The following RMDN2 variants were observed in gnomAD, a reference collection of about 807,000 sequenced individuals.
RMDN2 encodes the protein regulator of microtubule dynamics 2.
In RMDN2, 61 loss-of-function variants were observed where a neutral mutation model predicts 52.8. The ratio of observed to expected loss-of-function variants is 1.16; its 90% CI spans 0.94 to 1.43. The LOEUF (loss-of-function observed/expected upper bound fraction) is 1.43. Ranked by LOEUF, RMDN2 falls within the 40% of genes most tolerant of loss-of-function variation. RMDN2 has a pLI of 0.00. For missense variants in RMDN2, 592 were observed against 475.3 expected (o/e 1.25, Z -2.28); for synonymous variants, 180 against 153.1 (o/e 1.18, Z -1.30).
intron 4 of RMDN2, 73 bp from the exon 5 acceptor site, chr2:37,981,210 A>G: frequency 3.2e-6 from 3 of 924,354 alleles, no homozygotes; most frequent in Non-Finnish European, 3.6e-6. Context: ...TTTGTGAACC[A>G]TGAGTTAATT....
intron 4 of RMDN2, among the ~76,000 whole-genome samples, chr2:37,978,606 G>C (rs2125089353): frequency 6.6e-6 from 1 of 152,198 alleles, no homozygotes; most frequent in South Asian, 2.1e-4. Flanking sequence ...CGGGCAGATA[G>C]CTTGAGCTCA....
At chr2:37,940,967 A>T (rs1436500752) in intron 2 of RMDN2, among the ~76,000 whole-genome samples, 1 of 152,022 alleles carries the variant, frequency 6.6e-6, no homozygotes, top group African/African-American at 2.4e-5. Flanking sequence ...GGATGAGAAG[A>T]GTCATTCTGG....
At chr2:37,985,185 A>G (rs1284969763) in intron 5 of RMDN2, among the ~76,000 whole-genome samples, 1 of 152,166 alleles carries the variant, frequency 6.6e-6, no homozygotes, top group East Asian at 1.9e-4. Flanking sequence ...ATAAAAGCCT[A>G]GAGATATCCA....
intron 10 of RMDN2, among the ~76,000 whole-genome samples, chr2:38,005,963 G>A (rs537999449): frequency 8.3e-4 from 126 of 152,178 alleles, no homozygotes; most frequent in East Asian, 1.7e-3. Context: ...GTAGGGGATC[G>A]TTTCCCCATT....
At chr2:38,059,110 C>T (rs978238342) in intron 10 of RMDN2, among the ~76,000 whole-genome samples, 18 of 152,280 alleles carry the variant, frequency 1.2e-4, no homozygotes, top group African/African-American at 3.6e-4. Flanking sequence ...ATGATGGAAG[C>T]GTTTTATATC....
chr2:37,988,212 G>A (rs1403017459), intron 5 of RMDN2, among the ~76,000 whole-genome samples: 1 of 152,146 alleles, frequency 6.6e-6, no homozygotes, highest in Non-Finnish European at 1.5e-5. Flanking sequence ...ATAGGCCTGA[G>A]GCAACAATAA....
rs1572723294 is a variant in RMDN2, at chr2:37,942,844, C to T, written c.452+13115C>T. 2.0e-5 allele frequency among the ~76,000 whole-genome samples: 3 copies of T among 152,280 alleles called. 1 individual carries two copies. The highest frequency in any genetic ancestry group is 2.0e-4 in the Admixed American group (3 of 15,302). On this transcript the variant is annotated intron_variant, in intron 2 of 10. Coordinates refer to ENST00000354545, the MANE Select transcript of RMDN2 (RefSeq NM_001170791.3). ...TCTAGCAGGGAACAAAGCAAAGTCT[C>T]ACAAGTAAAACAGATTTTTTAAAAG...
intron 10 of RMDN2, among the ~76,000 whole-genome samples, chr2:38,050,411 C>T (rs930183320): frequency 1.4e-4 from 21 of 152,076 alleles, no homozygotes; most frequent in African/African-American, 5.1e-4. Context: ...CCCAATTTCT[C>T]TGATTCTCCT....
At chr2:38,034,840 A>G (rs1332086865) in intron 10 of RMDN2, among the ~76,000 whole-genome samples, 3 of 149,660 alleles carry the variant, frequency 2.0e-5, no homozygotes, top group African/African-American at 7.3e-5. Flanking sequence ...ATAAGTAGAA[A>G]TAAAGGAATA....
At chr2:38,060,563 T>A (rs1682006015) in intron 10 of RMDN2, among the ~76,000 whole-genome samples, 3 of 152,116 alleles carry the variant, frequency 2.0e-5, no homozygotes, top group African/African-American at 7.2e-5. Flanking sequence ...AGAACAGAGG[T>A]GGCCCTTTGG....
chr2:38,024,372 G>A (rs756541157), intron 10 of RMDN2, among the ~76,000 whole-genome samples: 1 of 152,132 alleles, frequency 6.6e-6, no homozygotes, highest in Non-Finnish European at 1.5e-5. Flanking sequence ...TTCCAAAGTG[G>A]TTTTACCATT....
At chr2:37,951,384 G>C (rs1467750621) in intron 2 of RMDN2, 1 of 1,613,128 alleles carries the variant, frequency 6.2e-7, no homozygotes, top group African/African-American at 1.3e-5. Flanking sequence ...TAAAGTCAAT[G>C]CAGCCAAAGC....
chr2:37,968,038 C>T (rs1009453399), intron 2 of RMDN2, among the ~76,000 whole-genome samples: 1 of 152,000 alleles, frequency 6.6e-6, no homozygotes. Context: ...TTGAAGTCCC[C>T]TCATACTTAC....
At chr2:38,063,978 G>A (rs1001158704) in intron 10 of RMDN2, among the ~76,000 whole-genome samples, 1 of 150,426 alleles carries the variant, frequency 6.6e-6, no homozygotes, top group Admixed American at 6.6e-5. Flanking sequence ...TCCTGTTTGT[G>A]TGTGTGTATG....
intron 2 of RMDN2, among the ~76,000 whole-genome samples, chr2:37,938,320 C>T (rs1216108636): frequency 6.6e-6 from 1 of 152,164 alleles, no homozygotes; most frequent in Non-Finnish European, 1.5e-5. Context: ...AGGATTTTTG[C>T]ATCAATCTTC....
At chr2:37,959,918 A>G (rs546786022) in intron 2 of RMDN2, among the ~76,000 whole-genome samples, 2 of 151,452 alleles carry the variant, frequency 1.3e-5, no homozygotes, top group South Asian at 4.1e-4. Context: ...GTAGTGATTC[A>G]GGAGCATGTT....
rs186066707 is a variant in RMDN2 at position 37,987,453 on chromosome 2, T to C, written c.792-2088T>C. Among the ~76,000 whole-genome samples, 3 of 152,268 alleles carry C rather than the reference T, an allele frequency of 2.0e-5. No homozygotes were observed. The East Asian group carries it at 5.8e-4, about 29-fold the overall frequency. On this transcript the variant is annotated intron_variant, in intron 5 of 10. Coordinates refer to ENST00000354545, the MANE Select transcript of RMDN2 (RefSeq NM_001170791.3). ...AAGGCAATCTGAAAAGGCAATATACTATATGGTTCCAACTATATGACATTC... is the reference window on the plus strand; with the variant it reads ...AAGGCAATCTGAAAAGGCAATATACCATATGGTTCCAACTATATGACATTC...
intron 2 of RMDN2, among the ~76,000 whole-genome samples, chr2:37,942,838 A>G (rs116233518): frequency 1.1e-3 from 163 of 152,342 alleles, no homozygotes; most frequent in African/African-American, 3.8e-3. Context: ...GAACAAAGCA[A>G]AGTCTCACAA....
chr2:38,012,245 T>G (rs1032464471), intron 10 of RMDN2, among the ~76,000 whole-genome samples: 6 of 152,236 alleles, frequency 3.9e-5, no homozygotes, highest in African/African-American at 2.4e-5. Context: ...TGCTGTTTCG[T>G]CAGGAAAGAC....
Sources: allele counts gnomAD v4.1 joint callset (sites outside exome capture counted in the v4.1 genomes callset), GRCh38; gene constraint gnomAD v4.1.1; transcripts MANE v1.5; gene names NCBI Gene and HGNC (gene_info 2026-07-23, HGNC 2026-07-21).